The following PARVA variants were observed in gnomAD, a reference collection of about 807,000 sequenced individuals.
PARVA encodes the protein parvin alpha.
A neutral mutation model predicts 52.6 loss-of-function variants in PARVA; 25 were observed. The observed-to-expected ratio is 0.48, with a 90% CI of 0.35 to 0.66. The LOEUF (loss-of-function observed/expected upper bound fraction) is 0.66. PARVA is among the 30% of genes least tolerant of loss of function. The pLI is 0.01. For synonymous variants in PARVA, 185 were observed against 179.1 expected (o/e 1.03, Z -0.26); for missense variants, 373 against 450.9 (o/e 0.83, Z 1.56).
intron 1 of PARVA, among the ~76,000 whole-genome samples, chr11:12,472,345 A>G (rs1940945471): frequency 6.6e-6 from 1 of 152,242 alleles, no homozygotes; most frequent in African/African-American, 2.4e-5. Context: ...GACAAGCTTG[A>G]TTTAAGCTTT....
intron 1 of PARVA, among the ~76,000 whole-genome samples, chr11:12,443,414 C>T (rs1239396903): frequency 6.6e-6 from 1 of 151,904 alleles, no homozygotes; most frequent in East Asian, 1.9e-4. Context: ...TCATGATCCG[C>T]CCACCTTGGC....
At chr11:12,447,667 A>T (rs1940565745) in intron 1 of PARVA, among the ~76,000 whole-genome samples, 1 of 152,226 alleles carries the variant, frequency 6.6e-6, no homozygotes, top group Non-Finnish European at 1.5e-5. Flanking sequence ...CTGGGAGAGG[A>T]TGCTGAGAGC....
chr11:12,439,845 C>G (rs564248740), intron 1 of PARVA, among the ~76,000 whole-genome samples: 2 of 152,328 alleles, frequency 1.3e-5, no homozygotes, highest in South Asian at 4.1e-4. Flanking sequence ...TATGTATTTG[C>G]ATAACTGGCT....
intron 4 of PARVA, among the ~76,000 whole-genome samples, chr11:12,482,156 CAA>C (rs60933434): frequency 5.3e-4 from 32 of 60,576 alleles, no homozygotes; most frequent in Admixed American, 8.1e-4. Flanking sequence ...AACCCTGTCT[CAA>C]AAAAAAAAAA....
At chr11:12,417,979 G>A (rs1589949932) in intron 1 of PARVA, among the ~76,000 whole-genome samples, 1 of 152,222 alleles carries the variant, frequency 6.6e-6, no homozygotes, top group South Asian at 2.1e-4. Context: ...CAGAGTGCCT[G>A]TAGGCCACCT....
At chr11:12,482,609 G>A (rs1004598782) in intron 4 of PARVA, among the ~76,000 whole-genome samples, 3 of 147,568 alleles carry the variant, frequency 2.0e-5, no homozygotes, top group Non-Finnish European at 3.0e-5. Flanking sequence ...CTGGGTGACA[G>A]AGCAAGTCTC....
At position 12,504,439 on chromosome 11, in the gene PARVA, G is replaced by A. The variant is rs111731473; in HGVS notation, c.657+10G>A. The A allele has an allele frequency of 7.5e-3, 11,480 of 1,522,886 alleles. 495 individuals are homozygous for A. The African/African-American group carries it at 0.11, about 15-fold the overall frequency. 94.3% of individuals were successfully genotyped at this position (1,522,886 alleles called of 1,614,324 possible). ...AGTGGTTGTGGTCCAGGTAAGACAG[G>A]TAACACTACAAACATCTGTGTCTTT... On this transcript the variant is annotated intron_variant, in intron 6 of 12. Coordinates refer to ENST00000334956, the MANE Select transcript of PARVA (RefSeq NM_018222.5).
intron 4 of PARVA, chr11:12,479,742 TAC>T (rs1007932842): frequency 1.3e-5 from 2 of 152,196 alleles, no homozygotes; most frequent in African/African-American, 2.4e-5. Flanking sequence ...TATAAACGTG[TAC>T]ACACATATCT....
intron 5 of PARVA, among the ~76,000 whole-genome samples, chr11:12,500,987 A>T (rs898660422): frequency 1.3e-5 from 2 of 151,882 alleles, no homozygotes; most frequent in Admixed American, 1.3e-4. Context: ...ATGCACCTAT[A>T]ATCCCAGCTA....
chr11:12,438,288 A>G (rs911453283), intron 1 of PARVA, among the ~76,000 whole-genome samples: 3 of 151,836 alleles, frequency 2.0e-5, no homozygotes, highest in Non-Finnish European at 2.9e-5. Context: ...AATACCATAC[A>G]TAGACTGGTT....
intron 1 of PARVA, among the ~76,000 whole-genome samples, chr11:12,440,200 C>A (rs1410874929): frequency 6.6e-6 from 1 of 152,164 alleles, no homozygotes; most frequent in African/African-American, 2.4e-5. Flanking sequence ...ATTCCAAATT[C>A]TCAGAATTTG....
intron 1 of PARVA, 107 bp downstream of exon 1, chr11:12,377,890 C>T: frequency 3.4e-6 from 2 of 588,392 alleles, no homozygotes; most frequent in African/African-American, 2.0e-5. Flanking sequence ...GGGTGCCCGG[C>T]GCGGTGGGGC....
At chr11:12,401,726 A>G (rs80164224) in intron 1 of PARVA, among the ~76,000 whole-genome samples, 3,133 of 152,324 alleles carry the variant, frequency 0.021, 116 homozygotes, top group African/African-American at 0.072. Flanking sequence ...TTAGGGAACA[A>G]TAGGATTGGG....
intron 1 of PARVA, among the ~76,000 whole-genome samples, chr11:12,436,274 C>T (rs1173843529): frequency 6.6e-6 from 1 of 152,178 alleles, no homozygotes; most frequent in Non-Finnish European, 1.5e-5. Flanking sequence ...ATAAACCTGA[C>T]AACTCACCAA....
At chr11:12,416,051 G>A (rs1039706554) in intron 1 of PARVA, among the ~76,000 whole-genome samples, 1 of 152,204 alleles carries the variant, frequency 6.6e-6, no homozygotes, top group African/African-American at 2.4e-5. Context: ...TCATAATGCT[G>A]TGGTGAACTG....
Position 12,518,512 on chromosome 11 carries a change from C to G in PARVA, c.1037C>G (p.Pro346Arg). Residue 346 changes from proline (P) to arginine (R), a missense_variant, in exon 12 of 13, where the codon CCA becomes CGA. Pro to Arg is a moderately radical substitution (Grantham distance 103). Transcript: ENST00000334956. Reference sequence around the variant, plus strand: ...GGGTTGGAAAAGCCAAAACCGCGGCCAGAAGGTACTTTGCTCTTTCCTGGG... The same window carrying G: ...GGGTTGGAAAAGCCAAAACCGCGGCGAGAAGGTACTTTGCTCTTTCCTGGG... The part of the protein sequence containing the change: ...DGGLEKPKPR[P>R]EDIVNCDLKS... 1 of 1,612,114 alleles carries G rather than the reference C, an allele frequency of 6.2e-7. No individual in the cohort carries two copies.
At chr11:12,466,816 G>C (rs1378789818) in intron 1 of PARVA, among the ~76,000 whole-genome samples, 2 of 151,992 alleles carry the variant, frequency 1.3e-5, no homozygotes, top group Non-Finnish European at 2.9e-5. Flanking sequence ...CTTGAAGTAT[G>C]GTAGTGTTCG....
intron 1 of PARVA, among the ~76,000 whole-genome samples, chr11:12,380,728 C>CCA: frequency 6.6e-6 from 1 of 151,692 alleles, no homozygotes; most frequent in African/African-American, 2.4e-5. Context: ...AAGCCAGCCA[C>CCA]CCCAGATTAG....
intron 5 of PARVA, among the ~76,000 whole-genome samples, chr11:12,499,817 T>C (rs1941344266): frequency 6.6e-6 from 1 of 152,146 alleles, no homozygotes; most frequent in Non-Finnish European, 1.5e-5. Context: ...TTTATATATG[T>C]ATATATAAAA....
Sources: allele counts gnomAD v4.1 joint callset (sites outside exome capture counted in the v4.1 genomes callset), GRCh38; gene constraint gnomAD v4.1.1; transcripts MANE v1.5; gene names NCBI Gene and HGNC (gene_info 2026-07-23, HGNC 2026-07-21).